The following TBC1D4 variants were observed in gnomAD, a reference collection of about 807,000 sequenced individuals.
TBC1D4 encodes TBC (Tre-2, BUB2, CDC16) domain-containing protein.
TBC1D4 carries 121 observed loss-of-function variants against 142.5 expected under a neutral mutation model. The observed-to-expected ratio is 0.85, with a 90% CI of 0.73 to 0.99. The LOEUF is 0.99. TBC1D4 is among the 50% of genes least tolerant of loss of function. The pLI, the probability that TBC1D4 is intolerant of heterozygous loss-of-function variation, is 0.00. For synonymous variants in TBC1D4, 630 were observed against 628.2 expected (o/e 1.00, Z -0.04); for missense variants, 1,475 against 1,606.6 (o/e 0.92, Z 1.40).
chr13:75,425,004 A>T (rs2138136102), intron 1 of TBC1D4, among the ~76,000 whole-genome samples: 1 of 152,344 alleles, frequency 6.6e-6, no homozygotes, highest in East Asian at 1.9e-4. Flanking sequence ...AATGGGATGT[A>T]ATCAAATTAA....
intron 7 of TBC1D4, among the ~76,000 whole-genome samples, chr13:75,338,433 C>T (rs1880405142): frequency 2.0e-5 from 3 of 152,198 alleles, no homozygotes; most frequent in East Asian, 1.9e-4. Context: ...AAATATCTGA[C>T]ACATAGTAAC....
chr13:75,338,316 G>T (rs904065035), intron 7 of TBC1D4, among the ~76,000 whole-genome samples: 2 of 151,798 alleles, frequency 1.3e-5, no homozygotes, highest in African/African-American at 2.4e-5. Context: ...ATACATGTGG[G>T]CTGGACAGGG....
At chr13:75,432,980 A>G (rs1174238782) in intron 1 of TBC1D4, among the ~76,000 whole-genome samples, 1 of 151,874 alleles carries the variant, frequency 6.6e-6, no homozygotes, top group Non-Finnish European at 1.5e-5. Flanking sequence ...CACAATGCCT[A>G]TGCTCTTTGC....
intron 4 of TBC1D4, among the ~76,000 whole-genome samples, chr13:75,349,865 T>C (rs1465141620): frequency 1.3e-5 from 2 of 152,202 alleles, no homozygotes; most frequent in Non-Finnish European, 2.9e-5. Context: ...GATTTATTAA[T>C]ATTATCATTC....
intron 1 of TBC1D4, among the ~76,000 whole-genome samples, chr13:75,400,249 T>A (rs1885015765): frequency 6.6e-6 from 1 of 152,184 alleles, no homozygotes; most frequent in Non-Finnish European, 1.5e-5. Context: ...ATCCTATTTC[T>A]CTTCCTCTTT....
chr13:75,437,958 C>A (rs1052981582), intron 1 of TBC1D4, among the ~76,000 whole-genome samples: 1 of 152,130 alleles, frequency 6.6e-6, no homozygotes, highest in African/African-American at 2.4e-5. Context: ...ATCTGCAATT[C>A]TTACAATTGA....
intron 14 of TBC1D4, among the ~76,000 whole-genome samples, chr13:75,309,476 T>C (rs996605547): frequency 6.6e-6 from 1 of 152,148 alleles, no homozygotes; most frequent in Non-Finnish European, 1.5e-5. Context: ...TTGAATACAA[T>C]GTAAGTAGGA....
intron 17 of TBC1D4, 78 bp downstream of exon 17, chr13:75,299,252 G>A: frequency 2.5e-6 from 4 of 1,604,176 alleles, no homozygotes; most frequent in Non-Finnish European, 3.4e-6. Context: ...CTTTAAATCT[G>A]AACTGTAATA....
At chr13:75,410,885 G>A (rs897161968) in intron 1 of TBC1D4, among the ~76,000 whole-genome samples, 30 of 127,188 alleles carry the variant, frequency 2.4e-4, no homozygotes, top group Non-Finnish European at 4.2e-4. Flanking sequence ...GCAGTGAGCC[G>A]AGATCGCGCC....
chr13:75,400,291 C>A (rs1259150841), intron 1 of TBC1D4, among the ~76,000 whole-genome samples: 1 of 152,040 alleles, frequency 6.6e-6, no homozygotes, highest in African/African-American at 2.4e-5. Flanking sequence ...ACTTTTTTTC[C>A]ACTTCCACTG....
intron 16 of TBC1D4, among the ~76,000 whole-genome samples, chr13:75,301,748 C>T (rs979029046): frequency 6.6e-6 from 1 of 152,132 alleles, no homozygotes; most frequent in African/African-American, 2.4e-5. Flanking sequence ...TTTCACTCAC[C>T]CTATAGGTGT....
chr13:75,315,655 T>G (rs1355810883), intron 12 of TBC1D4, among the ~76,000 whole-genome samples: 1 of 152,074 alleles, frequency 6.6e-6, no homozygotes, highest in Admixed American at 6.5e-5. Flanking sequence ...AGGTAAATAA[T>G]AAGCACTGAA....
At chr13:75,313,610 C>G (rs1022713362) in intron 12 of TBC1D4, among the ~76,000 whole-genome samples, 2 of 152,216 alleles carry the variant, frequency 1.3e-5, no homozygotes, top group African/African-American at 2.4e-5. Context: ...CAGCCTCGAC[C>G]TCCCAGGCTC....
chr13:75,378,546 AC>A (rs1489862765), intron 1 of TBC1D4, among the ~76,000 whole-genome samples: 2 of 152,148 alleles, frequency 1.3e-5, no homozygotes. Context: ...ATAAACAGAT[AC>A]CTAGCTCTCT....
intron 1 of TBC1D4, among the ~76,000 whole-genome samples, chr13:75,450,358 T>A (rs942363222): frequency 6.6e-6 from 1 of 152,234 alleles, no homozygotes; most frequent in Admixed American, 6.5e-5. Flanking sequence ...GATGTTACTG[T>A]TGCCTTTTCA....
intron 1 of TBC1D4, among the ~76,000 whole-genome samples, chr13:75,365,933 T>C (rs1007145473): frequency 1.2e-4 from 18 of 152,188 alleles, no homozygotes; most frequent in Non-Finnish European, 1.5e-5. Context: ...TAAATTCCCG[T>C]TGGTGACTCA....
intron 1 of TBC1D4, among the ~76,000 whole-genome samples, chr13:75,477,764 G>C (rs1888678611): frequency 1.3e-5 from 2 of 152,196 alleles, no homozygotes; most frequent in African/African-American, 4.8e-5. Flanking sequence ...AGATATTCTT[G>C]TTTCCCCAAT....
chr13:75,414,122 T>G (rs1199900736), intron 1 of TBC1D4, among the ~76,000 whole-genome samples: 1 of 152,214 alleles, frequency 6.6e-6, no homozygotes, highest in Non-Finnish European at 1.5e-5. Flanking sequence ...TTCCCATGGT[T>G]GAGTTCATTC....
chr13:75,349,483 T>C (rs1376128345), intron 4 of TBC1D4, among the ~76,000 whole-genome samples, 181 bp from the exon 5 acceptor site: 1 of 152,230 alleles, frequency 6.6e-6, no homozygotes, highest in Admixed American at 6.5e-5. Flanking sequence ...TACATATAAT[T>C]GAAAGCTGGA....
Sources: allele counts gnomAD v4.1 joint callset (sites outside exome capture counted in the v4.1 genomes callset), GRCh38; gene constraint gnomAD v4.1.1; transcripts MANE v1.5; gene names NCBI Gene and HGNC (gene_info 2026-07-23, HGNC 2026-07-21).